Variants in SLFN5 observed in about 807,000 individuals in gnomAD.
SLFN5 encodes schlafen family member 5.
Under a neutral mutation model 48.5 loss-of-function variants are expected in SLFN5, and 34 were observed. The observed-to-expected ratio is 0.70, with a 90% CI of 0.53 to 0.93. The LOEUF (loss-of-function observed/expected upper bound fraction) is 0.93. Among genes scored for constraint, SLFN5 ranks in the 40% least tolerant of loss-of-function variants. The pLI is 0.00. For synonymous variants in SLFN5, 387 were observed against 396.2 expected (o/e 0.98, Z 0.28); for missense variants, 1,006 against 1,071.3 (o/e 0.94, Z 0.85).
intron 1 of SLFN5, among the ~76,000 whole-genome samples, chr17:35,253,022 G>A (rs1237113815): frequency 6.6e-6 from 1 of 152,020 alleles, no homozygotes; most frequent in Non-Finnish European, 1.5e-5. Context: ...CATGGACTGG[G>A]TGGCTTTTAA....
chr17:35,260,875 A>G, intron 2 of SLFN5, 96 bp from the exon 3 acceptor site: 1 of 1,453,324 alleles, frequency 6.9e-7, no homozygotes, highest in South Asian at 1.5e-5. Context: ...CCGTGGCTTG[A>G]GTTGTAAGAC....
rs1904645098 is a variant in SLFN5, at chr17:35,265,279, T to C, written c.2067T>C (p.Tyr689=). ...TCTTTCTGGACTACTTTCAGACCTA[T>C]CACTTGAGTTGCAGTGGCCTCCCCC... ...LWIFLDYFQT[Y]HLSCSGLPPP... Residue 689 remains tyrosine (Y), a synonymous_variant, in exon 5 of 5, where the codon TAT becomes TAC. Coordinates refer to ENST00000299977, the MANE Select transcript of SLFN5 (RefSeq NM_144975.4). 6.2e-7 allele frequency: 1 copy of C among 1,614,016 alleles called. No homozygotes were observed. The highest frequency in any genetic ancestry group is 8.5e-7 in the Non-Finnish European group (1 of 1,180,042).
At position 35,259,095 on chromosome 17, in the gene SLFN5, A is replaced by G; in HGVS notation, c.405A>G (p.Ala135=). The change falls in exon 2 of 5, where the codon GCA becomes GCG. Residue 135 remains alanine (A), a synonymous_variant. Coordinates refer to ENST00000299977, the MANE Select transcript of SLFN5 (RefSeq NM_144975.4). ...TDVMDSQEAL[A]FLKCRTQTPT... ...TCATGGATTCTCAGGAAGCTCTGGC[A>G]TTCCTCAAATGCAGGACTCAGACTC... The G allele has an allele frequency of 6.2e-7, 1 of 1,614,214 alleles. No homozygotes were observed. The highest frequency in any genetic ancestry group is 8.5e-7 in the Non-Finnish European group (1 of 1,180,042).
In SLFN5 at chr17:35,258,930, A is replaced by G. The variant is rs779906805; in HGVS notation, c.240A>G (p.Pro80=). ...ERHGVGLDVP[P]IFRSHLDKMQ... ...ATGGAGTAGGATTGGATGTGCCTCC[A>G]ATTTTCAGAAGCCATTTAGATAAGA... is the stretch of plus-strand genomic sequence containing the variant. The change falls in exon 2 of 5, where the codon CCA becomes CCG. Residue 80 remains proline, a synonymous_variant. Transcript: ENST00000299977. 2.5e-6 allele frequency: 4 copies of G among 1,614,234 alleles called. No homozygotes were observed. The South Asian group carries it at 4.4e-5, about 18-fold the overall frequency.
intron 1 of SLFN5, among the ~76,000 whole-genome samples, chr17:35,245,781 A>G (rs976696641): frequency 1.3e-5 from 2 of 151,822 alleles, no homozygotes; most frequent in Non-Finnish European, 2.9e-5. Flanking sequence ...TTTCACAAAT[A>G]AAAATGTTAT....
chr17:35,259,435 A>G lies in SLFN5; in HGVS notation c.745A>G (p.Thr249Ala), dbSNP rs761277688. The change falls in exon 2 of 5, where the codon ACG becomes GCG. Residue 249 changes from threonine to alanine, a missense_variant. Transcript: ENST00000299977. ...IGCEKEKIDL[T>A]SLRASIDGCI... is the part of the protein sequence containing the mutation. ...ATGTGAAAAAGAGAAAATAGACCTTACGAGCTTGAGGGCTTCTATTGATGG... is the reference window on the plus strand; with the variant it reads ...ATGTGAAAAAGAGAAAATAGACCTTGCGAGCTTGAGGGCTTCTATTGATGG... 44 of 1,614,226 alleles carry G rather than the reference A, an allele frequency of 2.7e-5. No homozygotes were observed. The South Asian group carries it at 4.3e-4, about 16-fold the overall frequency.
At chr17:35,249,544 T>G (rs1457116747) in intron 1 of SLFN5, among the ~76,000 whole-genome samples, 4 of 152,236 alleles carry the variant, frequency 2.6e-5, no homozygotes, top group Non-Finnish European at 5.9e-5. Flanking sequence ...TTGCTCAATC[T>G]CTTCCTCTGA....
At chr17:35,245,491 T>C (rs1397005651) in intron 1 of SLFN5, among the ~76,000 whole-genome samples, 2 of 152,222 alleles carry the variant, frequency 1.3e-5, no homozygotes, top group Non-Finnish European at 2.9e-5. Flanking sequence ...AACTAAAGCA[T>C]GGAAAACCAC....
chr17:35,249,560 C>T (rs1254701610), intron 1 of SLFN5, among the ~76,000 whole-genome samples: 1 of 152,216 alleles, frequency 6.6e-6, no homozygotes, highest in Non-Finnish European at 1.5e-5. Context: ...TCTGAGTAAA[C>T]ATACCACACA....
At chr17:35,263,556 C>T (rs760914223) in intron 3 of SLFN5, among the ~76,000 whole-genome samples, 8 of 152,028 alleles carry the variant, frequency 5.3e-5, no homozygotes, top group South Asian at 2.1e-4. Context: ...GGTGCGGTGA[C>T]GCACGCCTGT....
At chr17:35,261,710 T>C (rs1904525843) in intron 3 of SLFN5, among the ~76,000 whole-genome samples, 2 of 145,990 alleles carry the variant, frequency 1.4e-5, no homozygotes, top group South Asian at 2.3e-4. Context: ...AGTTTCGCTC[T>C]TGTTGCCCAG....
At chr17:35,256,520 T>G (rs539760769) in intron 1 of SLFN5, among the ~76,000 whole-genome samples, 18 of 152,306 alleles carry the variant, frequency 1.2e-4, no homozygotes, top group African/African-American at 3.8e-4. Flanking sequence ...TTTTTTTTTC[T>G]GTTTTAATCT....
At chr17:35,252,252 A>C (rs1181738673) in intron 1 of SLFN5, among the ~76,000 whole-genome samples, 1 of 152,100 alleles carries the variant, frequency 6.6e-6, no homozygotes, top group Non-Finnish European at 1.5e-5. Flanking sequence ...CAATCTTGTA[A>C]GACCCTATCT....
Position 35,258,893 on chromosome 17 carries a change from A to C in SLFN5, c.203A>C (p.Asn68Thr), listed in dbSNP as rs761790779. The C allele has an allele frequency of 6.8e-5, 110 of 1,614,118 alleles. No homozygotes were observed. The highest frequency in any genetic ancestry group is 8.6e-5 in the Non-Finnish European group (101 of 1,180,040). Reference protein sequence around the residue: ...IKAEIENKGYNYERHGVGLDV... With the variant: ...IKAEIENKGYTYERHGVGLDV... ...GCTGAGATTGAGAACAAAGGCTACAATTATGAACGTCATGGAGTAGGATTG... is the reference window on the plus strand; with the variant it reads ...GCTGAGATTGAGAACAAAGGCTACACTTATGAACGTCATGGAGTAGGATTG... The change falls in exon 2 of 5, where the codon AAT becomes ACT. Residue 68 changes from asparagine to threonine, a missense_variant. Asn to Thr is a moderately conservative substitution (Grantham distance 65). Coordinates refer to ENST00000299977, the MANE Select transcript of SLFN5 (RefSeq NM_144975.4).
intron 1 of SLFN5, among the ~76,000 whole-genome samples, chr17:35,250,746 T>G (rs1053015659): frequency 1.5e-4 from 23 of 152,166 alleles, no homozygotes; most frequent in African/African-American, 5.6e-4. Context: ...GATCTCCTAC[T>G]TTGTTCAGAG....
Position 35,265,563 on chromosome 17 carries a change from G to A in SLFN5, c.2351G>A (p.Gly784Asp). Residue 784 changes from glycine (G) to aspartate (D), a missense_variant, in exon 5 of 5, where the codon GGT becomes GAT. Transcript: ENST00000299977. ...AAATGCCGTTTTCTCTTGCGGAATGGTTATTCTCCGAAGGATATTGCTGTG... is the reference window on the plus strand; with the variant it reads ...AAATGCCGTTTTCTCTTGCGGAATGATTATTCTCCGAAGGATATTGCTGTG... ...ANKCRFLLRN[G>D]YSPKDIAVLF... 1.2e-6 allele frequency: 2 copies of A among 1,614,212 alleles called. No homozygotes were observed. Among genetic ancestry groups the A allele is most frequent in the Non-Finnish European group, 1.7e-6 (2 of 1,180,046 alleles).
Position 35,264,910 on chromosome 17 carries a change from TG to T in SLFN5, c.1859+8del. The T allele has an allele frequency of 6.5e-7, 1 of 1,547,566 alleles. No individual in the cohort carries two copies. The highest frequency in any genetic ancestry group is 8.7e-7 in the Non-Finnish European group (1 of 1,154,682). ...CCCTGAAGAAGTTGGTGAGGTATGCTGCTTGTCTGTGTTCACTTTATTTTCT... is the reference window on the plus strand; with the variant it reads ...CCCTGAAGAAGTTGGTGAGGTATGCTCTTGTCTGTGTTCACTTTATTTTCT... On this transcript the variant is annotated splice_region_variant and intron_variant, in intron 4 of 4. Coordinates refer to ENST00000299977, the MANE Select transcript of SLFN5 (RefSeq NM_144975.4).
chr17:35,265,041 T>C lies in SLFN5; in HGVS notation c.1860-31T>C, dbSNP rs114658507. ...AGTAGAATCTGCTTTCTTTGTTTCA[T>C]TGGGGAAAAACCTGACTCTGTTTCT... On this transcript the variant is annotated intron_variant, in intron 4 of 4. Transcript: ENST00000299977. The C allele has an allele frequency of 1.4e-3, 2,186 of 1,578,448 alleles. 22 individuals are homozygous for C. The African/African-American group carries it at 0.025, about 18-fold the overall frequency.
At position 35,265,146 on chromosome 17, in the gene SLFN5, A is replaced by G. The variant is rs1293159105; in HGVS notation, c.1934A>G (p.His645Arg). Reference protein sequence around the residue: ...FMKNNFEHIQHIIIDDAQNFR... With the variant: ...FMKNNFEHIQRIIIDDAQNFR... ...AAAAACAACTTTGAACACATCCAGC[A>G]CATTATCATTGATGACGCTCAGAAT... Residue 645 changes from histidine (H) to arginine (R), a missense_variant, in exon 5 of 5, where the codon CAC becomes CGC. His to Arg is a conservative substitution (Grantham distance 29). Coordinates refer to ENST00000299977, the MANE Select transcript of SLFN5 (RefSeq NM_144975.4). 6.2e-7 allele frequency: 1 copy of G among 1,614,116 alleles called. No individual in the cohort carries two copies. The highest frequency in any genetic ancestry group is 8.5e-7 in the Non-Finnish European group (1 of 1,180,050).
Sources: allele counts gnomAD v4.1 joint callset (sites outside exome capture counted in the v4.1 genomes callset), GRCh38; gene constraint gnomAD v4.1.1; transcripts MANE v1.5; gene names NCBI Gene and HGNC (gene_info 2026-07-23, HGNC 2026-07-21).